Variants in ADGRB3 observed in about 807,000 individuals in gnomAD.
ADGRB3 encodes the protein brain-specific angiogenesis inhibitor 3.
A neutral mutation model predicts 193.4 loss-of-function variants in ADGRB3; 37 were observed. The observed-to-expected ratio is 0.19, with a 90% CI of 0.15 to 0.25. The LOEUF (loss-of-function observed/expected upper bound fraction) is 0.25. Among genes scored for constraint, ADGRB3 ranks in the 10% least tolerant of loss-of-function variants. The pLI, the probability that ADGRB3 is intolerant of heterozygous loss-of-function variation, is 1.00. For missense variants in ADGRB3, 1,637 were observed against 1,852.9 expected, an observed-to-expected ratio of 0.88 and a Z score of 2.14; for synonymous variants, 690 against 644.2, an observed-to-expected ratio of 1.07 and a Z score of -1.08.
intron 3 of ADGRB3, among the ~76,000 whole-genome samples, chr6:68,694,405 C>A (rs1765123856): frequency 6.6e-6 from 1 of 151,898 alleles, no homozygotes; most frequent in African/African-American, 2.4e-5. Flanking sequence ...TTTTTTATAT[C>A]CACCCCCACC....
At chr6:68,806,040 C>A (rs1767394474) in intron 3 of ADGRB3, among the ~76,000 whole-genome samples, 2 of 152,170 alleles carry the variant, frequency 1.3e-5, no homozygotes, top group South Asian at 4.1e-4. Flanking sequence ...CTCACGTAGT[C>A]ACAGCCAACA....
chr6:68,912,884 A>G (rs930777196), intron 3 of ADGRB3, among the ~76,000 whole-genome samples: 2 of 152,178 alleles, frequency 1.3e-5, no homozygotes, highest in African/African-American at 4.8e-5. Flanking sequence ...CGATGGGCTT[A>G]AAAAACGGCG....
intron 5 of ADGRB3, among the ~76,000 whole-genome samples, chr6:68,940,573 A>G (rs1469151858): frequency 3.5e-4 from 1 of 2,822 alleles, no homozygotes; most frequent in Non-Finnish European, 6.8e-4. Flanking sequence ...TTTTTTGCTA[A>G]ATGTATAGTT....
intron 17 of ADGRB3, among the ~76,000 whole-genome samples, chr6:69,121,584 G>C (rs1355459091): frequency 6.6e-6 from 1 of 151,686 alleles, no homozygotes; most frequent in Non-Finnish European, 1.5e-5. Flanking sequence ...TCACTTCCCA[G>C]ATGGGGCAGC....
rs528505519 is a variant in ADGRB3 at position 69,270,162 on chromosome 6, C to T, written c.2814+30936C>T. On this transcript the variant is annotated intron_variant, in intron 20 of 31. Transcript: ENST00000370598. ...TATTAGACTTCCAGCAGTGAATTCTCGTCAAAAATGGTTTTTAGATCACCA... is the reference window on the plus strand; with the variant it reads ...TATTAGACTTCCAGCAGTGAATTCTTGTCAAAAATGGTTTTTAGATCACCA... 5.1e-4 allele frequency among the ~76,000 whole-genome samples: 77 copies of T among 152,192 alleles called. 1 individual carries two copies. Among genetic ancestry groups the T allele is most frequent in the Middle Eastern group, 3.4e-3 (1 of 294 alleles).
Position 69,360,922 on chromosome 6 carries a change from T to G in ADGRB3, c.3649T>G (p.Ser1217Ala). The change falls in exon 29 of 32, where the codon TCT becomes GCT. Residue 1217 changes from serine (S) to alanine (A), a missense_variant. By Grantham distance (99) the Ser-to-Ala change is moderately conservative. Coordinates refer to ENST00000370598, the MANE Select transcript of ADGRB3 (RefSeq NM_001704.3). The part of the protein sequence containing the change: ...CRAATITGTL[S>A]RISLNDDEEE... ...AGCAGCCACAATAACAGGAACACTTTCTAGGATTTCTCTAAATGATGATGA... is the reference window on the plus strand; with the variant it reads ...AGCAGCCACAATAACAGGAACACTTGCTAGGATTTCTCTAAATGATGATGA... The G allele has an allele frequency of 6.2e-7, 1 of 1,612,298 alleles. No individual in the cohort carries two copies. The highest frequency in any genetic ancestry group is 8.5e-7 in the Non-Finnish European group (1 of 1,178,902).
chr6:69,145,959 A>C (rs918661644), intron 17 of ADGRB3, among the ~76,000 whole-genome samples: 1 of 152,082 alleles, frequency 6.6e-6, no homozygotes, highest in Admixed American at 6.6e-5. Context: ...GAATGGGTGG[A>C]CCTGGGAAAA....
At chr6:69,012,845 T>A (rs1032146954) in intron 11 of ADGRB3, among the ~76,000 whole-genome samples, 1 of 152,056 alleles carries the variant, frequency 6.6e-6, no homozygotes, top group Admixed American at 6.6e-5. Context: ...AATGCCTGTT[T>A]TGAGAAGCTG....
intron 3 of ADGRB3, among the ~76,000 whole-genome samples, chr6:68,835,022 T>A (rs1310765169): frequency 6.6e-6 from 1 of 152,118 alleles, no homozygotes; most frequent in Non-Finnish European, 1.5e-5. Context: ...TTATATAATA[T>A]CAATTCATAA....
intron 3 of ADGRB3, among the ~76,000 whole-genome samples, chr6:68,665,256 A>C (rs1407656225): frequency 6.6e-6 from 1 of 151,590 alleles, no homozygotes; most frequent in African/African-American, 2.4e-5. Context: ...GGTATTTTGT[A>C]GGTTCTGTAG....
intron 3 of ADGRB3, among the ~76,000 whole-genome samples, chr6:68,824,511 T>G (rs910086367): frequency 6.7e-6 from 1 of 148,642 alleles, no homozygotes; most frequent in African/African-American, 2.4e-5. Flanking sequence ...ATATATTTCC[T>G]ATACATATAA....
intron 17 of ADGRB3, among the ~76,000 whole-genome samples, chr6:69,187,457 G>A (rs533239295): frequency 2.0e-5 from 3 of 152,196 alleles, no homozygotes; most frequent in Non-Finnish European, 4.4e-5. Flanking sequence ...ACAATAATCT[G>A]TATTACAGGT....
intron 6 of ADGRB3, among the ~76,000 whole-genome samples, chr6:68,951,345 ATCG>A (rs1374489570): frequency 6.6e-6 from 1 of 152,116 alleles, no homozygotes. Flanking sequence ...CAGCTCTAAT[ATCG>A]TCGTCTCCTG....
intron 20 of ADGRB3, among the ~76,000 whole-genome samples, chr6:69,257,019 A>G (rs1347454053): frequency 2.6e-5 from 4 of 151,888 alleles, no homozygotes; most frequent in Non-Finnish European, 4.4e-5. Context: ...TGATTTGTGT[A>G]TTTTGAACCA....
intron 17 of ADGRB3, among the ~76,000 whole-genome samples, chr6:69,103,360 CA>C (rs1436196017): frequency 2.0e-5 from 3 of 151,878 alleles, no homozygotes; most frequent in Non-Finnish European, 4.4e-5. Context: ...AAGTAGACAT[CA>C]AAAAAACTAT....
chr6:68,940,252 G>C (rs73747866), intron 5 of ADGRB3, among the ~76,000 whole-genome samples: 4,548 of 152,176 alleles, frequency 0.03, 193 homozygotes, highest in African/African-American at 0.1. Flanking sequence ...GAATTTTATG[G>C]TTTATTCCAG....
At chr6:69,372,564 A>T (rs996330459) in intron 30 of ADGRB3, 123 bp downstream of exon 30, 9 of 412,866 alleles carry the variant, frequency 2.2e-5, no homozygotes, top group Non-Finnish European at 3.7e-5. Flanking sequence ...TAATTAAATA[A>T]GTCAAACATT....
At position 68,691,037 on chromosome 6, in the gene ADGRB3, T is replaced by C. The variant is rs560209645; in HGVS notation, c.757+51605T>C. The stretch of plus-strand genomic sequence containing the variant: ...ACATTATTTTACACATATTAGGAAA[T>C]TGATGATTGCCAAAAATACTTTTAA... On this transcript the variant is annotated intron_variant, in intron 3 of 31. Coordinates refer to ENST00000370598, the MANE Select transcript of ADGRB3 (RefSeq NM_001704.3). 2.6e-5 allele frequency among the ~76,000 whole-genome samples: 4 copies of C among 152,216 alleles called. No individual in the cohort carries two copies. In the South Asian group the frequency reaches 8.3e-4, roughly 32 times the overall value.
At chr6:68,896,645 A>G (rs918896016) in intron 3 of ADGRB3, among the ~76,000 whole-genome samples, 1 of 152,174 alleles carries the variant, frequency 6.6e-6, no homozygotes, top group Non-Finnish European at 1.5e-5. Flanking sequence ...CTTGAGAAGC[A>G]GAAAGCGTAT....
Sources: gnomAD v4.1 joint callset for allele counts (sites outside exome capture counted in the v4.1 genomes callset) on GRCh38, gnomAD v4.1.1 for gene constraint, MANE v1.5 for transcripts, NCBI Gene and HGNC (gene_info 2026-07-23, HGNC 2026-07-21) for gene names.